CACNA1H: variants seen among roughly 807,000 people sequenced by gnomAD.
The protein encoded by CACNA1H is voltage-dependent T-type calcium channel subunit alpha-1H.
In CACNA1H, 149 loss-of-function variants were observed where a neutral mutation model predicts 192.5. The ratio of observed to expected loss-of-function variants is 0.77; its 90% confidence interval spans 0.68 to 0.89. The LOEUF (loss-of-function observed/expected upper bound fraction) is 0.89. CACNA1H is among the 40% of genes least tolerant of loss of function. The pLI, the probability that CACNA1H is intolerant of heterozygous loss-of-function variation, is 0.00. For missense variants in CACNA1H, 4,257 were observed against 3,423.5 expected, an observed-to-expected ratio of 1.24 and a Z score of -6.08; for synonymous variants, 2,202 against 1,475.2, an observed-to-expected ratio of 1.49 and a Z score of -11.29.
In CACNA1H at chr16:1,153,987, G is replaced by T; in HGVS notation, c.250G>T (p.Gly84Cys). The T allele has an allele frequency of 2.8e-6, 4 of 1,424,878 alleles. No homozygotes were observed. The highest frequency in any genetic ancestry group is 3.7e-6 in the Non-Finnish European group (4 of 1,086,558). 88.3% of individuals were successfully genotyped at this position (1,424,878 alleles called of 1,614,324 possible). The change falls in exon 2 of 35, where the codon GGT becomes TGT. Residue 84 changes from glycine to cysteine, a missense_variant. Gly to Cys is a radical substitution (Grantham distance 159, BLOSUM62 -3). Coordinates refer to ENST00000348261, the MANE Select transcript of CACNA1H (RefSeq NM_021098.3). ...GGCGGCCACGGTCTTCTTCTGCCTCGGTCAGACCACGCGGCCGCGCAGCTG... is the reference window on the plus strand; with the variant it reads ...GGCGGCCACGGTCTTCTTCTGCCTCTGTCAGACCACGCGGCCGCGCAGCTG... Reference protein sequence around the residue: ...ALAATVFFCLGQTTRPRSWCL... With the variant: ...ALAATVFFCLCQTTRPRSWCL...
At chr16:1,216,791 G>A in intron 30 of CACNA1H, 141 bp from the exon 31 acceptor site, 1 of 619,632 alleles carries the variant, frequency 1.6e-6, no homozygotes, top group Non-Finnish European at 2.7e-6. Context: ...CTGGGAACTT[G>A]CTTCCACTTG....
intron 2 of CACNA1H, among the ~76,000 whole-genome samples, chr16:1,168,071 G>A (rs1963976659): frequency 6.6e-6 from 1 of 152,160 alleles, no homozygotes; most frequent in Admixed American, 6.5e-5. Context: ...GGCCAGAGAT[G>A]TTTTCGGAAG....
At chr16:1,179,002 T>C (rs1279256904) in intron 2 of CACNA1H, among the ~76,000 whole-genome samples, 2 of 152,142 alleles carry the variant, frequency 1.3e-5, no homozygotes, top group Non-Finnish European at 2.9e-5. Context: ...AAACTGAGGC[T>C]CTGTGACCTC....
intron 25 of CACNA1H, 59 bp downstream of exon 25, chr16:1,212,197 C>G: frequency 6.6e-7 from 1 of 1,524,918 alleles, no homozygotes; most frequent in Non-Finnish European, 8.8e-7. Flanking sequence ...CCCACCGGGC[C>G]CTCCAGCCCC....
chr16:1,188,109 A>C (rs1966248414), intron 2 of CACNA1H, among the ~76,000 whole-genome samples: 1 of 152,166 alleles, frequency 6.6e-6, no homozygotes, highest in Admixed American at 6.5e-5. Flanking sequence ...GCACAGGTGG[A>C]GGTAGAATTG....
intron 2 of CACNA1H, among the ~76,000 whole-genome samples, chr16:1,166,198 C>T (rs1963754885): frequency 6.6e-6 from 1 of 152,180 alleles, no homozygotes; most frequent in African/African-American, 2.4e-5. Context: ...GCCTCTTGCC[C>T]CTGGGGGCAG....
In CACNA1H at chr16:1,200,206, C is replaced by G. The variant is rs72552031; in HGVS notation, c.804-50C>G. 17 of 1,468,000 alleles carry G rather than the reference C, an allele frequency of 1.2e-5. No individual in the cohort carries two copies. The African/African-American group carries it at 2.1e-4, about 18-fold the overall frequency. 90.9% of individuals were successfully genotyped at this position (1,468,000 alleles called of 1,614,324 possible). A position where few individuals can be genotyped will look rare whatever the true frequency, so the allele number is the denominator to read the frequency against. On this transcript the variant is annotated intron_variant, in intron 6 of 34. Coordinates refer to ENST00000348261, the MANE Select transcript of CACNA1H (RefSeq NM_021098.3). ...TCACAATCGTGCCCCCGACTCTGACCGTCCCTGACCCTGATTGTACCTTTT... is the reference window on the plus strand; with the variant it reads ...TCACAATCGTGCCCCCGACTCTGACGGTCCCTGACCCTGATTGTACCTTTT...
intron 2 of CACNA1H, among the ~76,000 whole-genome samples, chr16:1,178,250 G>T (rs866333985): frequency 7.7e-6 from 1 of 129,840 alleles, no homozygotes; most frequent in East Asian, 2.3e-4. Flanking sequence ...TCCTGCCCCG[G>T]CTCCTTGGAT....
chr16:1,190,493 C>T (rs1245955776), intron 2 of CACNA1H, among the ~76,000 whole-genome samples: 2 of 152,122 alleles, frequency 1.3e-5, no homozygotes, highest in African/African-American at 4.8e-5. Context: ...GCTGACTGCT[C>T]CCCTCTCTAG....
rs1044744061 is a variant in CACNA1H at position 1,207,823 on chromosome 16, G to A, written c.3117G>A (p.Glu1039=). ...AGGACAAGACGTCGGTCCACTTCGA[G>A]GAGGACTTCCACAAGCTCAGAGAAC... is the stretch of plus-strand genomic sequence containing the variant. ...TDEDKTSVHF[E]EDFHKLRELQ... Residue 1039 remains glutamate (E), a synonymous_variant, in exon 15 of 35, where the codon GAG becomes GAA. Transcript: ENST00000348261. 5.6e-6 allele frequency: 9 copies of A among 1,601,726 alleles called. 1 individual carries two copies. In the Admixed American group the frequency reaches 1.5e-4, roughly 27 times the overall value.
intron 14 of CACNA1H, 137 bp from the exon 15 acceptor site, chr16:1,207,633 C>G (rs958575771): frequency 3.2e-6 from 3 of 931,156 alleles, no homozygotes; most frequent in African/African-American, 1.6e-5. Flanking sequence ...ACCTACCTGC[C>G]CACCCTGGCA....
intron 18 of CACNA1H, 44 bp downstream of exon 18, chr16:1,210,179 A>C: frequency 6.8e-7 from 1 of 1,473,526 alleles, no homozygotes; most frequent in Non-Finnish European, 9.3e-7. Flanking sequence ...GTTCCACCCC[A>C]CGGGACCCCC....
In CACNA1H at chr16:1,172,519, C is replaced by T. The variant is rs558579032; in HGVS notation, c.299+18483C>T. ...ACACGTAAGTACCTGTGTGTTGTCCCGAGCATCACCCGCTCTGTGGAGGGA... is the reference window on the plus strand; with the variant it reads ...ACACGTAAGTACCTGTGTGTTGTCCTGAGCATCACCCGCTCTGTGGAGGGA... On this transcript the variant is annotated intron_variant, in intron 2 of 34. Transcript: ENST00000348261. Among the ~76,000 whole-genome samples, 8 of 152,322 alleles carry T rather than the reference C, an allele frequency of 5.3e-5. No individual in the cohort carries two copies. In the South Asian group the frequency reaches 8.3e-4, roughly 16 times the overall value.
intron 2 of CACNA1H, among the ~76,000 whole-genome samples, chr16:1,169,085 G>C (rs1174213352): frequency 6.7e-6 from 1 of 148,354 alleles, no homozygotes; most frequent in Non-Finnish European, 1.5e-5. Context: ...GGGAGGAAAG[G>C]TTCTGGACTG....
rs1390685093 is a variant in CACNA1H at position 1,218,511 on chromosome 16, C to T, written c.5747C>T (p.Ala1916Val). ...PGARDAPNLV[A>V]RKVSVSRMLS... The stretch of plus-strand genomic sequence containing the variant: ...GCCAGGGACGCCCCAAACCTGGTTG[C>T]ACGCAAGGTGTCCGTGTCCAGGATG... Residue 1916 changes from alanine (A) to valine (V), a missense_variant, in exon 33 of 35, where the codon GCA (alanine) becomes GTA (valine). Ala to Val is a moderately conservative substitution (Grantham distance 64). Transcript: ENST00000348261. 22 of 1,553,492 alleles carry T rather than the reference C, an allele frequency of 1.4e-5. No homozygotes were observed. Among genetic ancestry groups the T allele is most frequent in the Non-Finnish European group, 1.8e-5 (21 of 1,148,930 alleles).
chr16:1,212,280 G>T (rs558557873), intron 25 of CACNA1H, 142 bp downstream of exon 25: 5 of 1,315,888 alleles, frequency 3.8e-6, no homozygotes, highest in Admixed American at 2.7e-5. Flanking sequence ...TGGGGGCTGG[G>T]CCTTGGAGGG....
chr16:1,200,113 C>T (rs913066287), intron 6 of CACNA1H, 143 bp from the exon 7 acceptor site: 31 of 674,822 alleles, frequency 4.6e-5, no homozygotes, highest in Non-Finnish European at 7.0e-5. Flanking sequence ...CTAACCGTGC[C>T]TCCCTAACCA....
chr16:1,182,098 TGGTGTTTCCCCG>T (rs1965536918), intron 2 of CACNA1H, among the ~76,000 whole-genome samples: 1 of 152,088 alleles, frequency 6.6e-6, no homozygotes, highest in African/African-American at 2.4e-5. Context: ...CAGGTGAGCC[TGGTGTTTCCCCG>T]GGCTGTGGCA....
Position 1,201,793 on chromosome 16 carries a change from C to A in CACNA1H, c.1343C>A (p.Ala448Asp), listed in dbSNP as rs770949848. The A allele has an allele frequency of 2.5e-6, 4 of 1,596,244 alleles. No individual in the cohort carries two copies. In the Admixed American group the frequency reaches 7.0e-5, roughly 28 times the overall value. Residue 448 changes from alanine to aspartate, a missense_variant, in exon 9 of 35, where the codon GCC becomes GAC. By Grantham distance (126) the Ala-to-Asp change is moderately radical. Transcript: ENST00000348261. ...ARHLSNDSTL[A>D]SFSEPGSCYE... is the part of the protein sequence containing the mutation. ...CACCTGTCCAACGACAGCACGCTGG[C>A]CAGCTTCTCCGAGCCTGGCAGCTGC...
Sources: allele counts gnomAD v4.1 joint callset (sites outside exome capture counted in the v4.1 genomes callset), GRCh38; gene constraint gnomAD v4.1.1; transcripts MANE v1.5; gene names NCBI Gene and HGNC (gene_info 2026-07-23, HGNC 2026-07-21).